The following TRPM4 variants were observed in gnomAD, a reference collection of about 807,000 sequenced individuals.
TRPM4 encodes the protein transient receptor potential cation channel subfamily M member 4, also known as calcium-activated non-selective cation channel 1.
Under a neutral mutation model 135.6 loss-of-function variants are expected in TRPM4, and 124 were observed. The observed-to-expected ratio is 0.91, with a 90% CI of 0.79 to 1.06. The LOEUF (loss-of-function observed/expected upper bound fraction) is 1.06. Among genes scored for constraint, TRPM4 ranks in the 50% least tolerant of loss-of-function variants. The probability of loss-of-function intolerance (pLI) is 0.00; values close to 1 mark genes in which losing one functional copy is unlikely to be tolerated. For synonymous variants in TRPM4, 745 were observed against 705.6 expected, an observed-to-expected ratio of 1.06 and a Z score of -0.88; for missense variants, 1,658 against 1,671.4, an observed-to-expected ratio of 0.99 and a Z score of 0.14.
rs564806922 is a variant in TRPM4, at chr19:49,184,708, T to A, written c.1743+1496T>A. On this transcript the variant is annotated intron_variant, in intron 12 of 24. Coordinates refer to ENST00000252826, the MANE Select transcript of TRPM4 (RefSeq NM_017636.4). ...GTTAGCCAGGATGGTTGCGATCTCC[T>A]GACCTCGTGATCTGCCCTCCTCGGC... Among the ~76,000 whole-genome samples, 3 of 151,952 alleles carry A rather than the reference T, an allele frequency of 2.0e-5. No homozygotes were observed. In the East Asian group the frequency reaches 5.8e-4, roughly 29 times the overall value.
rs1968306960 is a variant in TRPM4 at position 49,188,977 on chromosome 19, G to A, written c.1905G>A (p.Glu635=). ...TTGGCGAGTGCTATCGCAGCAGTGA[G>A]GTGAGGGCTGCCCGCCTCCTCCTCC... The part of the protein sequence containing the change: ...DLFGECYRSS[E]VRAARLLLRR... The change falls in exon 14 of 25, where the codon GAG becomes GAA. Residue 635 remains glutamate (E), a synonymous_variant. Coordinates refer to ENST00000252826, the MANE Select transcript of TRPM4 (RefSeq NM_017636.4). The A allele has an allele frequency of 3.1e-6, 5 of 1,614,132 alleles. No homozygotes were observed. The highest frequency in any genetic ancestry group is 1.1e-5 in the South Asian group (1 of 91,088).
intron 17 of TRPM4, among the ~76,000 whole-genome samples, chr19:49,199,511 G>A (rs1460055947): frequency 6.6e-6 from 1 of 152,054 alleles, no homozygotes; most frequent in African/African-American, 2.4e-5. Flanking sequence ...CGCCCGCCTC[G>A]GCCTCCCAAA....
chr19:49,177,129 C>T (rs1245090010), intron 9 of TRPM4, among the ~76,000 whole-genome samples: 2 of 151,968 alleles, frequency 1.3e-5, no homozygotes, highest in Non-Finnish European at 2.9e-5. Flanking sequence ...ATTCACTCTG[C>T]GGAAGTTAAC....
chr19:49,169,982 T>G (rs116596715), intron 6 of TRPM4, among the ~76,000 whole-genome samples: 1,911 of 152,318 alleles, frequency 0.013, 40 homozygotes, highest in African/African-American at 0.043. Context: ...TTGATCTTTA[T>G]TTTTATTTTT....
At position 49,164,255 on chromosome 19, in the gene TRPM4, TTCTC is replaced by T. The variant is rs901264970; in HGVS notation, c.93-1784_93-1781del. Among the ~76,000 whole-genome samples, 56 of 149,000 alleles carry T rather than the reference TTCTC, an allele frequency of 3.8e-4. No homozygotes were observed. The East Asian group carries it at 9.6e-3, about 25-fold the overall frequency. ...TCTCTCTCTTTCTTTCTTTCTCTCTTTCTCTTTCTTTCTCTCTCTTTCCCTCCCT... is the reference window on the plus strand; with the variant it reads ...TCTCTCTCTTTCTTTCTTTCTCTCTTTTTCTTTCTCTCTCTTTCCCTCCCT... On this transcript the variant is annotated intron_variant, in intron 2 of 24. Transcript: ENST00000252826.
chr19:49,176,650 G>A (rs1335418545), intron 9 of TRPM4, among the ~76,000 whole-genome samples: 1 of 152,148 alleles, frequency 6.6e-6, no homozygotes, highest in Non-Finnish European at 1.5e-5. Flanking sequence ...TCAGGAGTTC[G>A]AGATCAGCCT....
At position 49,166,080 on chromosome 19, in the gene TRPM4, C is replaced by T. The variant is rs1168125244; in HGVS notation, c.132C>T (p.His44=). 6.2e-7 allele frequency: 1 copy of T among 1,602,544 alleles called. No individual in the cohort carries two copies. Among genetic ancestry groups the T allele is most frequent in the Non-Finnish European group, 8.5e-7 (1 of 1,175,898 alleles). ...LCQCGRPRTA[H]PAVAMEDAFG... ...AGTGTGGGCGCCCCCGGACCGCCCA[C>T]CCCGCAGTGGCCATGGAGGATGCCT... Residue 44 remains histidine (H), a synonymous_variant, in exon 3 of 25, where the codon CAC becomes CAT. Transcript: ENST00000252826.
chr19:49,187,130 G>A (rs1026889663), intron 12 of TRPM4, among the ~76,000 whole-genome samples: 2 of 151,926 alleles, frequency 1.3e-5, no homozygotes, highest in Non-Finnish European at 2.9e-5. Context: ...TAGTAAGTGG[G>A]TAGGTTAAAA....
At position 49,169,133 on chromosome 19, in the gene TRPM4, GA is replaced by G. The variant is rs1967353267; in HGVS notation, c.796+398del. Among the ~76,000 whole-genome samples the G allele has an allele frequency of 2.6e-5, 4 of 151,368 alleles. No homozygotes were observed. The South Asian group carries it at 8.3e-4, about 32-fold the overall frequency. ...GAGAACTGCTTGAACCCGGGAGGTG[GA>G]GGTTGCAGTGAGCCGAGATCAAGCC... On this transcript the variant is annotated intron_variant, in intron 6 of 24. Coordinates refer to ENST00000252826, the MANE Select transcript of TRPM4 (RefSeq NM_017636.4).
intron 12 of TRPM4, 25 bp from the exon 13 acceptor site, chr19:49,188,616 A>T (rs975613039): frequency 6.2e-7 from 1 of 1,613,916 alleles, no homozygotes; most frequent in Non-Finnish European, 8.5e-7. Context: ...TCTTTGACGC[A>T]TCCGTGCCCT....
intron 3 of TRPM4, 113 bp downstream of exon 3, chr19:49,166,328 C>G: frequency 1.7e-6 from 2 of 1,155,056 alleles, no homozygotes; most frequent in South Asian, 3.1e-5. Flanking sequence ...CCATCCCTGT[C>G]TTGGCTCTCT....
Position 49,171,851 on chromosome 19 carries a change from G to A in TRPM4, c.1050+82G>A. 6.7e-7 allele frequency: 1 copy of A among 1,500,080 alleles called. No individual in the cohort carries two copies. Among genetic ancestry groups the A allele is most frequent in the Non-Finnish European group, 9.2e-7 (1 of 1,090,852 alleles). 92.9% of individuals were successfully genotyped at this position (1,500,080 alleles called of 1,614,324 possible). On this transcript the variant is annotated intron_variant, in intron 8 of 24. Transcript: ENST00000252826. The surrounding 1 kb of genome is among the most constrained non-coding windows in gnomAD (Gnocchi z 4.7). ...GGCTCCTGGGTCTGAGGGAGGAGGG[G>A]CTGGGGGCCTGGACTTCCAGGTTCC...
At chr19:49,190,845 T>C in intron 16 of TRPM4, 72 bp downstream of exon 16, 1 of 1,361,796 alleles carries the variant, frequency 7.3e-7, no homozygotes, top group Non-Finnish European at 1.0e-6. Context: ...CAGTTCCACG[T>C]TGTGTTAGTC....
chr19:49,191,486 G>A (rs560415753), intron 16 of TRPM4, among the ~76,000 whole-genome samples: 3 of 151,730 alleles, frequency 2.0e-5, no homozygotes, highest in Non-Finnish European at 4.4e-5. Context: ...GATTACAGGT[G>A]TGAGCCACCG....
chr19:49,167,485 G>A (rs1283995218), intron 3 of TRPM4, among the ~76,000 whole-genome samples: 1 of 125,142 alleles, frequency 8.0e-6, no homozygotes, highest in Non-Finnish European at 1.7e-5. Flanking sequence ...CTGGGTCTCT[G>A]TCCCTCTCTC....
At chr19:49,200,869 T>C in intron 19 of TRPM4, 84 bp downstream of exon 19, 3 of 1,439,954 alleles carry the variant, frequency 2.1e-6, no homozygotes, top group Non-Finnish European at 1.9e-6. Flanking sequence ...TCTAAGAAAA[T>C]ATCTGTCTCT....
At chr19:49,163,127 C>G (rs1218683087) in intron 2 of TRPM4, among the ~76,000 whole-genome samples, 1 of 151,666 alleles carries the variant, frequency 6.6e-6, no homozygotes, top group Non-Finnish European at 1.5e-5. Flanking sequence ...TACAAAGAAC[C>G]CATGCAGCTA....
chr19:49,211,241 G>A lies in TRPM4; in HGVS notation c.3612G>A (p.Pro1204=), dbSNP rs1969359046. 2 of 1,587,672 alleles carry A rather than the reference G, an allele frequency of 1.3e-6. No individual in the cohort carries two copies. Among genetic ancestry groups the A allele is most frequent in the Non-Finnish European group, 8.6e-7 (1 of 1,167,874 alleles). ...SRSALLPPGG[P]PPPDLPGSKD is the part of the protein sequence containing the mutation. ...CTGCCTTGCTGCCCCCAGGTGGGCC[G>A]CCACCCCCTGACCTGCCTGGGTCCA... Residue 1204 remains proline, a synonymous_variant, in exon 24 of 25, where the codon CCG becomes CCA. Transcript: ENST00000252826. This position sits in a 1 kb window ranked among gnomAD's most constrained non-coding sequence, Gnocchi z 4.8.
chr19:49,188,647 A>C lies in TRPM4; in HGVS notation c.1750A>C (p.Asn584His), dbSNP rs1328385887. 13 of 1,614,132 alleles carry C rather than the reference A, an allele frequency of 8.1e-6. No individual in the cohort carries two copies. Among genetic ancestry groups the C allele is most frequent in the Non-Finnish European group, 1.1e-5 (13 of 1,180,032 alleles). The change falls in exon 13 of 25, where the codon AAT becomes CAT. Residue 584 changes from asparagine (N) to histidine (H), a missense_variant. Around this residue, in one of 3 missense-constraint regions of TRPM4, gnomAD observed 1,412 missense variants for 1,408.7 expected, o/e 1.00. Coordinates refer to ENST00000252826, the MANE Select transcript of TRPM4 (RefSeq NM_017636.4). Reference protein sequence around the residue: ...MAMYFWEMGSNAVSSALGACL... With the variant: ...MAMYFWEMGSHAVSSALGACL... ...GCCCTCTTTGTCTCTCCAGGGTTCC[A>C]ATGCAGTTTCCTCAGCTCTTGGGGC...
Sources: gnomAD v4.1 joint callset for allele counts (sites outside exome capture counted in the v4.1 genomes callset) on GRCh38, gnomAD v4.1.1 for gene constraint, gnomAD v4.1.1 regional missense constraint, Gnocchi (gnomAD v3.1) non-coding constraint, MANE v1.5 for transcripts, NCBI Gene and HGNC (gene_info 2026-07-23, HGNC 2026-07-21) for gene names.